LUZP2: variants seen among roughly 807,000 people sequenced by gnomAD.
The protein encoded by LUZP2 is leucine zipper protein 2.
Under a neutral mutation model 51.6 loss-of-function variants are expected in LUZP2, and 52 were observed. That is an observed-to-expected ratio of 1.01 (90% CI 0.81 to 1.27). LUZP2 has a LOEUF of 1.27. Among genes scored for constraint, LUZP2 ranks in the 50% most tolerant of loss-of-function variants. The pLI, the probability that LUZP2 is intolerant of heterozygous loss-of-function variation, is 0.00. For missense variants in LUZP2, 436 were observed against 395.4 expected (o/e 1.10, Z -0.87); for synonymous variants, 154 against 137.3 (o/e 1.12, Z -0.85).
chr11:24,650,974 A>C (rs894900750), intron 1 of LUZP2, among the ~76,000 whole-genome samples: 1 of 152,058 alleles, frequency 6.6e-6, no homozygotes, highest in Admixed American at 6.6e-5. Flanking sequence ...TTCTACAGGT[A>C]CTTAATAACT....
At position 24,890,894 on chromosome 11, in the gene LUZP2, C is replaced by CTTTTT. The variant is rs34323542; in HGVS notation, c.397-15081_397-15077dup. 112 of 739,950 alleles carry CTTTTT rather than the reference C, an allele frequency of 1.5e-4. 2 individuals carry two copies. Among genetic ancestry groups the CTTTTT allele is most frequent in the East Asian group, 1.1e-3 (7 of 6,264 alleles). The allele number at this position is 739,950 out of a possible 1,614,324, so 45.8% of individuals were successfully genotyped here. On this transcript the variant is annotated intron_variant, in intron 5 of 11. Transcript: ENST00000336930. ...GCCATTTACAGGAGGAGTAAAAGTT[C>CTTTTT]TTTTTTTTTTTTTTTTTTTTGCAGG...
At chr11:24,977,085 T>G (rs1714892177) in intron 8 of LUZP2, among the ~76,000 whole-genome samples, 1 of 151,802 alleles carries the variant, frequency 6.6e-6, no homozygotes, top group Non-Finnish European at 1.5e-5. Context: ...AATTTATACT[T>G]ATCTATATTT....
chr11:24,601,755 T>C (rs1403233385), intron 1 of LUZP2, among the ~76,000 whole-genome samples: 2 of 150,806 alleles, frequency 1.3e-5, no homozygotes, highest in Non-Finnish European at 3.0e-5. Context: ...TACCTCAGAA[T>C]CTCTTAGAAT....
At position 24,611,569 on chromosome 11, in the gene LUZP2, G is replaced by C. The variant is rs1854123035; in HGVS notation, c.62+114264G>C. On this transcript the variant is annotated intron_variant, in intron 1 of 11. Coordinates refer to ENST00000336930, the MANE Select transcript of LUZP2 (RefSeq NM_001009909.4). The surrounding 1 kb of genome is among the most constrained non-coding windows in gnomAD (Gnocchi z 4.6). ...CAATTATGGAACTAGGGTGGAAAGG[G>C]AGGCAGTTACTGGAAAGTAAAAATG... Among the ~76,000 whole-genome samples, 1 of 152,074 alleles carries C rather than the reference G, an allele frequency of 6.6e-6. No homozygotes were observed. Among genetic ancestry groups the C allele is most frequent in the South Asian group, 2.1e-4 (1 of 4,826 alleles).
chr11:24,855,046 G>A (rs1184163350), intron 5 of LUZP2, among the ~76,000 whole-genome samples: 1 of 152,138 alleles, frequency 6.6e-6, no homozygotes, highest in Non-Finnish European at 1.5e-5. Flanking sequence ...AATCTTGCTT[G>A]GAGCTATAGA....
intron 5 of LUZP2, among the ~76,000 whole-genome samples, chr11:24,824,575 A>T (rs979714805): frequency 1.3e-5 from 2 of 152,006 alleles, no homozygotes; most frequent in East Asian, 3.9e-4. Flanking sequence ...TAGTTTCATT[A>T]TGTGAACTTG....
chr11:24,855,678 G>T (rs1851542418), intron 5 of LUZP2, among the ~76,000 whole-genome samples: 1 of 152,222 alleles, frequency 6.6e-6, no homozygotes, highest in South Asian at 2.1e-4. Context: ...TAAACAAGAA[G>T]AACAAAGTGG....
At chr11:24,658,327 G>T (rs1218208194) in intron 1 of LUZP2, among the ~76,000 whole-genome samples, 1 of 152,164 alleles carries the variant, frequency 6.6e-6, no homozygotes, top group East Asian at 1.9e-4. Context: ...CATGGGGAAA[G>T]GATTCCCTAT....
At chr11:24,723,347 T>C (rs945763530) in intron 1 of LUZP2, among the ~76,000 whole-genome samples, 1 of 152,226 alleles carries the variant, frequency 6.6e-6, no homozygotes, top group Admixed American at 6.5e-5. Flanking sequence ...TGCTTTATGA[T>C]GCGGCAATTC....
intron 9 of LUZP2, among the ~76,000 whole-genome samples, chr11:24,992,474 A>G (rs915208866): frequency 6.6e-6 from 1 of 152,116 alleles, no homozygotes; most frequent in African/African-American, 2.4e-5. Flanking sequence ...AATTAGATTA[A>G]TTGAATTACC....
chr11:24,764,490 T>TAAAAAAAAAAAAAAAAAAAAAAAA (rs869045272), intron 5 of LUZP2, among the ~76,000 whole-genome samples: 63 of 94,028 alleles, frequency 6.7e-4, no homozygotes, highest in Non-Finnish European at 1.1e-3. Context: ...ATCTCATCTC[T>TAAAAAAAAAAAAAAAAAAAAAAAA]AAAAAAAAAA....
intron 7 of LUZP2, among the ~76,000 whole-genome samples, chr11:24,926,829 G>T (rs1409507297): frequency 4.6e-5 from 7 of 151,650 alleles, no homozygotes; most frequent in African/African-American, 1.7e-4. Context: ...GTTTCTCATA[G>T]TGGTTGTAGT....
intron 7 of LUZP2, among the ~76,000 whole-genome samples, chr11:24,927,594 C>T (rs993048612): frequency 2.0e-5 from 3 of 152,018 alleles, no homozygotes; most frequent in Non-Finnish European, 4.4e-5. Context: ...TTGCATTGGT[C>T]TATATAACTA....
At chr11:24,885,138 T>C (rs1590688462) in intron 5 of LUZP2, among the ~76,000 whole-genome samples, 1 of 152,058 alleles carries the variant, frequency 6.6e-6, no homozygotes. Context: ...TAAGAGAAAT[T>C]AGAGGACTCA....
At chr11:24,773,597 T>C (rs956864856) in intron 5 of LUZP2, among the ~76,000 whole-genome samples, 6 of 150,858 alleles carry the variant, frequency 4.0e-5, no homozygotes, top group African/African-American at 1.5e-4. Context: ...GGAGACTTAT[T>C]ATGGGAATCT....
At chr11:24,562,371 A>G (rs552920272) in intron 1 of LUZP2, among the ~76,000 whole-genome samples, 2 of 152,110 alleles carry the variant, frequency 1.3e-5, no homozygotes, top group Admixed American at 6.6e-5. Flanking sequence ...TTTCTGAATG[A>G]AAGTGTTACT....
intron 1 of LUZP2, among the ~76,000 whole-genome samples, chr11:24,610,319 A>G (rs1289123696): frequency 6.6e-6 from 1 of 152,220 alleles, no homozygotes; most frequent in African/African-American, 2.4e-5. Context: ...AGAAAACATT[A>G]TGACACATGC....
At chr11:24,757,849 A>G (rs1859832306) in intron 4 of LUZP2, among the ~76,000 whole-genome samples, 1 of 152,072 alleles carries the variant, frequency 6.6e-6, no homozygotes. Context: ...TCATATTAAT[A>G]TAAAATTCCA....
intron 5 of LUZP2, among the ~76,000 whole-genome samples, chr11:24,767,878 C>T (rs1860252431): frequency 6.6e-6 from 1 of 152,154 alleles, no homozygotes; most frequent in Admixed American, 6.5e-5. Context: ...ATACATATGG[C>T]AACTGCCTCA....
Sources: allele counts gnomAD v4.1 joint callset (sites outside exome capture counted in the v4.1 genomes callset), GRCh38; gene constraint gnomAD v4.1.1; non-coding constraint Gnocchi (gnomAD v3.1); transcripts MANE v1.5; gene names NCBI Gene and HGNC (gene_info 2026-07-23, HGNC 2026-07-21).